The following RBFOX1 variants were observed in gnomAD, a reference collection of about 807,000 sequenced individuals.
RBFOX1 encodes the protein RNA binding protein fox-1 homolog 1.
In RBFOX1, 8 loss-of-function variants were observed where a neutral mutation model predicts 57.7. That is an observed-to-expected ratio of 0.14 (90% CI 0.08 to 0.25). RBFOX1 has a LOEUF of 0.25. Ranked by LOEUF, RBFOX1 falls within the 10% of genes least tolerant of loss-of-function variation. The probability of loss-of-function intolerance (pLI) is 1.00; values close to 1 mark genes in which losing one functional copy is unlikely to be tolerated. For missense variants in RBFOX1, 611 were observed against 548.5 expected (o/e 1.11, Z -1.14); for synonymous variants, 326 against 222.4 (o/e 1.47, Z -4.15).
chr16:6,157,186 G>C (rs531889978), intron 1 of RBFOX1, among the ~76,000 whole-genome samples: 2 of 151,798 alleles, frequency 1.3e-5, no homozygotes, highest in Non-Finnish European at 2.9e-5. Flanking sequence ...TTTATGATTT[G>C]ATTTATTTAT....
chr16:5,837,370 C>T (rs1278555558), intron 3 of RBFOX1, among the ~76,000 whole-genome samples: 1 of 152,038 alleles, frequency 6.6e-6, no homozygotes, highest in Admixed American at 6.6e-5. Flanking sequence ...TGGCAGAATC[C>T]TAAGAGATCT....
At chr16:6,976,535 A>G (rs1364254045) in intron 3 of RBFOX1, among the ~76,000 whole-genome samples, 2 of 151,930 alleles carry the variant, frequency 1.3e-5, no homozygotes, top group Non-Finnish European at 2.9e-5. Context: ...CCACGGTGCA[A>G]ACTAAAAAAG....
intron 2 of RBFOX1, among the ~76,000 whole-genome samples, chr16:6,524,694 G>A (rs766958629): frequency 3.9e-5 from 6 of 152,130 alleles, no homozygotes; most frequent in African/African-American, 7.2e-5. Context: ...TGTCTGCTGG[G>A]CCATGCTCCC....
At chr16:7,257,614 G>T (rs573440398) in intron 4 of RBFOX1, among the ~76,000 whole-genome samples, 1 of 152,016 alleles carries the variant, frequency 6.6e-6, no homozygotes, top group African/African-American at 2.4e-5. Context: ...GCCCCTTCCC[G>T]AGAACTGCTC....
intron 4 of RBFOX1, among the ~76,000 whole-genome samples, chr16:7,063,493 G>C (rs917853801): frequency 3.3e-5 from 5 of 152,226 alleles, no homozygotes; most frequent in African/African-American, 9.6e-5. Flanking sequence ...CTCTACCCCA[G>C]ACCTACTGGA....
chr16:6,963,439 G>A (rs1172324501), intron 3 of RBFOX1, among the ~76,000 whole-genome samples: 3 of 152,134 alleles, frequency 2.0e-5, no homozygotes, highest in Non-Finnish European at 4.4e-5. Flanking sequence ...AATGGTTGGT[G>A]ACAACATAAG....
intron 3 of RBFOX1, among the ~76,000 whole-genome samples, chr16:5,770,389 A>G (rs979890185): frequency 2.0e-5 from 3 of 152,216 alleles, no homozygotes; most frequent in African/African-American, 7.2e-5. Context: ...ATGCCATGGT[A>G]ACACCTGGAA....
chr16:5,364,675 G>T (rs9941216), intron 1 of RBFOX1, among the ~76,000 whole-genome samples: 18,684 of 152,152 alleles, frequency 0.12, 1,236 homozygotes, highest in African/African-American at 0.15. Flanking sequence ...CACGCATCTC[G>T]GAAAACCCTG....
At chr16:7,355,123 G>A (rs2097192693) in intron 4 of RBFOX1, among the ~76,000 whole-genome samples, 1 of 152,152 alleles carries the variant, frequency 6.6e-6, no homozygotes, top group South Asian at 2.1e-4. Flanking sequence ...AGCTTTGAAT[G>A]TGAGAAAACT....
At chr16:7,512,249 G>T (rs546303216) in intron 4 of RBFOX1, among the ~76,000 whole-genome samples, 10 of 152,322 alleles carry the variant, frequency 6.6e-5, no homozygotes, top group African/African-American at 2.4e-4. Flanking sequence ...CCAGGAGCCT[G>T]TTCGCGTGCC....
chr16:6,367,955 A>G (rs1431882977), intron 2 of RBFOX1, among the ~76,000 whole-genome samples: 1 of 152,176 alleles, frequency 6.6e-6, no homozygotes, highest in Non-Finnish European at 1.5e-5. Context: ...GGACAATCCA[A>G]TGTCAGTATG....
chr16:5,492,183 C>T (rs903561491), intron 2 of RBFOX1, among the ~76,000 whole-genome samples: 11 of 152,178 alleles, frequency 7.2e-5, no homozygotes, highest in African/African-American at 2.7e-4. Flanking sequence ...AGTATAAGAA[C>T]CCTGAACTAC....
At chr16:6,557,933 C>A (rs1267260745) in intron 2 of RBFOX1, among the ~76,000 whole-genome samples, 3 of 152,096 alleles carry the variant, frequency 2.0e-5, no homozygotes, top group Non-Finnish European at 4.4e-5. Context: ...TTATGGCATG[C>A]CCAACTCATC....
At chr16:6,732,283 A>G (rs1315846865) in intron 3 of RBFOX1, among the ~76,000 whole-genome samples, 4 of 152,178 alleles carry the variant, frequency 2.6e-5, no homozygotes, top group Admixed American at 6.5e-5. Context: ...CCACAGTGAA[A>G]TTCCAGCTCC....
chr16:6,939,413 A>G (rs1052024455), intron 3 of RBFOX1, among the ~76,000 whole-genome samples: 4 of 151,590 alleles, frequency 2.6e-5, no homozygotes, highest in African/African-American at 9.7e-5. Flanking sequence ...ATATATATAT[A>G]TGTAGCTATA....
At chr16:5,428,680 G>C (rs1028097212) in intron 1 of RBFOX1, among the ~76,000 whole-genome samples, 1 of 152,142 alleles carries the variant, frequency 6.6e-6, no homozygotes, top group Non-Finnish European at 1.5e-5. Flanking sequence ...AGGAGGAGCT[G>C]GCCAGTGGAC....
At chr16:5,745,180 G>C (rs2052929467) in intron 3 of RBFOX1, among the ~76,000 whole-genome samples, 1 of 152,158 alleles carries the variant, frequency 6.6e-6, no homozygotes, top group African/African-American at 2.4e-5. Flanking sequence ...CTATAAGTGA[G>C]AACATGCAGT....
intron 4 of RBFOX1, among the ~76,000 whole-genome samples, chr16:7,431,485 T>C (rs1200591296): frequency 6.6e-6 from 1 of 152,138 alleles, no homozygotes; most frequent in African/African-American, 2.4e-5. Context: ...AAGTGATCCT[T>C]CCACTTTGGC....
chr16:6,667,925 C>T (rs759881426), intron 3 of RBFOX1, among the ~76,000 whole-genome samples: 5 of 151,964 alleles, frequency 3.3e-5, no homozygotes, highest in Non-Finnish European at 1.5e-5. Flanking sequence ...GTACAAGCTG[C>T]CTGATTATTA....
Sources: allele counts gnomAD v4.1 joint callset (sites outside exome capture counted in the v4.1 genomes callset), GRCh38; gene constraint gnomAD v4.1.1; transcripts MANE v1.5; gene names NCBI Gene and HGNC (gene_info 2026-07-23, HGNC 2026-07-21).